Variants in TJP1 observed in about 807,000 individuals in gnomAD.
TJP1 encodes the protein tight junction protein 1.
Under a neutral mutation model 194.2 loss-of-function variants are expected in TJP1, and 43 were observed. The ratio of observed to expected loss-of-function variants is 0.22; its 90% CI spans 0.17 to 0.29. The LOEUF is 0.29. Among genes scored for constraint, TJP1 ranks in the 10% least tolerant of loss-of-function variants. TJP1 has a pLI of 1.00. For synonymous variants in TJP1, 801 were observed against 779.0 expected (o/e 1.03, Z -0.47); for missense variants, 1,971 against 2,185.7 (o/e 0.90, Z 1.96).
intron 2 of TJP1, among the ~76,000 whole-genome samples, chr15:29,835,836 T>G (rs976593174): frequency 1.8e-4 from 27 of 152,048 alleles, no homozygotes; most frequent in African/African-American, 6.5e-4. Flanking sequence ...GGTCACATAT[T>G]CATTCATTCT....
intron 2 of TJP1, among the ~76,000 whole-genome samples, chr15:29,930,207 T>C (rs2054662059): frequency 6.6e-6 from 1 of 152,096 alleles, no homozygotes; most frequent in Non-Finnish European, 1.5e-5. Context: ...ACACAGACTA[T>C]TACAGATGAC....
chr15:29,787,894 A>G (rs1213724125), intron 2 of TJP1, among the ~76,000 whole-genome samples: 1 of 152,110 alleles, frequency 6.6e-6, no homozygotes, highest in Non-Finnish European at 1.5e-5. Context: ...GAATTCTCAA[A>G]CTGTTTTCTA....
At chr15:29,789,971 T>C (rs2047964487) in intron 2 of TJP1, among the ~76,000 whole-genome samples, 1 of 152,078 alleles carries the variant, frequency 6.6e-6, no homozygotes, top group Non-Finnish European at 1.5e-5. Context: ...ACAAACTGAG[T>C]AAGAATCTCT....
At chr15:29,732,276 G>T in intron 15 of TJP1, 157 bp downstream of exon 15, 1 of 636,992 alleles carries the variant, frequency 1.6e-6, no homozygotes, top group East Asian at 2.7e-5. Context: ...ACAAGGACAT[G>T]GTCACTGGGG....
intron 2 of TJP1, among the ~76,000 whole-genome samples, chr15:29,938,986 C>T (rs570522803): frequency 2.9e-4 from 44 of 152,262 alleles, no homozygotes; most frequent in African/African-American, 1.0e-3. Context: ...ATGTTAAATG[C>T]CCACTTCTGG....
At chr15:29,888,748 C>T (rs1238929107) in intron 2 of TJP1, among the ~76,000 whole-genome samples, 1 of 152,142 alleles carries the variant, frequency 6.6e-6, no homozygotes, top group Non-Finnish European at 1.5e-5. Context: ...GGCTCAGTGT[C>T]CCCAGAGTTC....
chr15:29,820,839 T>A (rs1439634150), intron 1 of TJP1, among the ~76,000 whole-genome samples: 1 of 152,222 alleles, frequency 6.6e-6, no homozygotes, highest in Non-Finnish European at 1.5e-5. Context: ...AAACGAAGAA[T>A]ACTATATCCC....
chr15:29,732,320 G>T, intron 15 of TJP1, 113 bp downstream of exon 15: 1 of 901,480 alleles, frequency 1.1e-6, no homozygotes, highest in Non-Finnish European at 1.7e-6. Context: ...GGGATAAACT[G>T]CTAATTTTTC....
chr15:29,774,924 G>A (rs1225576264), intron 2 of TJP1, among the ~76,000 whole-genome samples: 1 of 151,586 alleles, frequency 6.6e-6, no homozygotes, highest in African/African-American at 2.4e-5. Context: ...CCTTATCCTC[G>A]GTTTCATGTT....
chr15:29,848,596 T>C (rs1055183408), intron 2 of TJP1, among the ~76,000 whole-genome samples: 1 of 151,782 alleles, frequency 6.6e-6, no homozygotes, highest in African/African-American at 2.4e-5. Flanking sequence ...GCATGGTGGC[T>C]CACGCCTGTA....
At chr15:29,725,145 T>C (rs941924853) in intron 18 of TJP1, among the ~76,000 whole-genome samples, 3 of 152,238 alleles carry the variant, frequency 2.0e-5, no homozygotes, top group African/African-American at 7.2e-5. Flanking sequence ...AGTGTGTTCA[T>C]GTAAAGTGGT....
At chr15:29,735,771 T>C (rs916262593) in intron 11 of TJP1, among the ~76,000 whole-genome samples, 24 of 152,038 alleles carry the variant, frequency 1.6e-4, no homozygotes, top group African/African-American at 4.8e-4. Context: ...GTAAACATCA[T>C]CAGAAAGAAT....
At chr15:29,897,572 C>T (rs899211613) in intron 2 of TJP1, among the ~76,000 whole-genome samples, 1 of 152,284 alleles carries the variant, frequency 6.6e-6, no homozygotes, top group Middle Eastern at 3.4e-3. Flanking sequence ...GGTAGATCCA[C>T]CAACAGCGTG....
chr15:29,836,274 C>CTTT (rs1301707709), intron 2 of TJP1, among the ~76,000 whole-genome samples: 2 of 143,574 alleles, frequency 1.4e-5, no homozygotes, highest in Non-Finnish European at 3.1e-5. Context: ...GGATGATCAA[C>CTTT]TTTTTTTTTT....
chr15:29,767,811 C>G (rs982152957), intron 4 of TJP1, among the ~76,000 whole-genome samples: 1 of 152,006 alleles, frequency 6.6e-6, no homozygotes, highest in African/African-American at 2.4e-5. Context: ...TTATTTGGTC[C>G]TCTTTCCTTC....
intron 2 of TJP1, among the ~76,000 whole-genome samples, chr15:29,883,983 T>C (rs911983494): frequency 5.9e-5 from 9 of 152,210 alleles, no homozygotes; most frequent in African/African-American, 9.6e-5. Context: ...TGGGAATTCT[T>C]AGAAGGTAAA....
chr15:29,766,406 C>G lies in TJP1; in HGVS notation c.449G>C (p.Arg150Thr). The G allele has an allele frequency of 6.2e-7, 1 of 1,614,182 alleles. No individual in the cohort carries two copies. The highest frequency in any genetic ancestry group is 8.5e-7 in the Non-Finnish European group (1 of 1,180,036). Reference protein sequence around the residue: ...RSGRSGVVNRRSEKIWPRDRS... With the variant: ...RSGRSGVVNRTSEKIWPRDRS... ...ATCCCTCGGCCAAATCTTCTCACTC[C>G]TTCTGTTAACCACACCACTCCGGCC... The change falls in exon 5 of 28, where the codon AGG becomes ACG. Residue 150 changes from arginine (R) to threonine (T), a missense_variant. This residue lies in a region of TJP1 where 245 missense variants were observed against 336.6 expected (regional missense o/e 0.73). Transcript: ENST00000614355.
At chr15:29,871,698 A>G (rs2052529819) in intron 2 of TJP1, among the ~76,000 whole-genome samples, 1 of 152,242 alleles carries the variant, frequency 6.6e-6, no homozygotes, top group Non-Finnish European at 1.5e-5. Context: ...CATTCCCGTG[A>G]GTCCAGCCCT....
At chr15:29,915,321 A>AT (rs11436358) in intron 2 of TJP1, among the ~76,000 whole-genome samples, 41,025 of 151,744 alleles carry the variant, frequency 0.27, 5,967 homozygotes, top group African/African-American at 0.38. Context: ...TATATGGATC[A>AT]TTTTTTTTGA....
Sources: allele counts gnomAD v4.1 joint callset (sites outside exome capture counted in the v4.1 genomes callset), GRCh38; gene constraint gnomAD v4.1.1; regional missense constraint gnomAD v4.1.1; transcripts MANE v1.5; gene names NCBI Gene and HGNC (gene_info 2026-07-23, HGNC 2026-07-21).